Variants in LRRC63 observed in about 807,000 individuals in gnomAD.
LRRC63 encodes leucine rich repeat containing 63.
LRRC63 carries 40 observed loss-of-function variants against 49.5 expected under a neutral mutation model. The ratio of observed to expected loss-of-function variants is 0.81; its 90% CI spans 0.63 to 1.05. The LOEUF (loss-of-function observed/expected upper bound fraction) is 1.05, where lower values mean the gene tolerates loss of function less well. Ranked by LOEUF, LRRC63 falls within the 50% of genes least tolerant of loss-of-function variation. The pLI is 0.00. For synonymous variants in LRRC63, 191 were observed against 221.1 expected (o/e 0.86, Z 1.21); for missense variants, 636 against 663.1 (o/e 0.96, Z 0.45).
At chr13:46,213,242 G>C in intron 2 of LRRC63, 123 bp downstream of exon 2, 2 of 612,802 alleles carry the variant, frequency 3.3e-6, no homozygotes, top group Non-Finnish European at 5.5e-6. Context: ...TTTGTTGTCA[G>C]GTGATAACAT....
At chr13:46,266,836 C>A in exon 9 of LRRC63, 1 of 1,549,878 alleles carries the variant, frequency 6.5e-7, no homozygotes, top group Non-Finnish European at 8.7e-7. Flanking sequence ...TAATTTCACT[C>A]ATCCTTGTTT....
chr13:46,246,584 C>A (rs1399271280), exon 6 of LRRC63: 8 of 1,471,582 alleles, frequency 5.4e-6, no homozygotes, highest in Non-Finnish European at 6.3e-6. Flanking sequence ...GTTGATATAT[C>A]TTAATTTATC....
intron 5 of LRRC63, 94 bp from the exon 6 acceptor site, chr13:46,246,433 A>G: frequency 1.9e-6 from 1 of 531,232 alleles, no homozygotes; most frequent in Non-Finnish European, 3.2e-6. Flanking sequence ...AAACATTCTC[A>G]TTCAAATTAT....
chr13:46,239,995 C>A (rs1402717096), intron 5 of LRRC63, among the ~76,000 whole-genome samples: 2 of 152,114 alleles, frequency 1.3e-5, no homozygotes, highest in Non-Finnish European at 2.9e-5. Flanking sequence ...ATTGAAGGAA[C>A]ATACCTCAAA....
intron 7 of LRRC63, among the ~76,000 whole-genome samples, chr13:46,260,422 G>A (rs1208244731): frequency 6.6e-6 from 1 of 152,066 alleles, no homozygotes; most frequent in East Asian, 1.9e-4. Context: ...AATTAACTGG[G>A]GTCACCATTC....
At chr13:46,216,864 G>A (rs1010422228) in intron 2 of LRRC63, among the ~76,000 whole-genome samples, 3 of 152,186 alleles carry the variant, frequency 2.0e-5, no homozygotes, top group Non-Finnish European at 4.4e-5. Flanking sequence ...AGATAATTAT[G>A]TGGTTTTTGT....
intron 2 of LRRC63, among the ~76,000 whole-genome samples, chr13:46,226,288 T>A (rs80324200): frequency 6.6e-6 from 1 of 152,196 alleles, no homozygotes; most frequent in Admixed American, 6.5e-5. Context: ...CTGGCCCTAC[T>A]CTCTTTCTCA....
At chr13:46,238,144 A>T (rs892832677) in intron 5 of LRRC63, among the ~76,000 whole-genome samples, 1 of 152,222 alleles carries the variant, frequency 6.6e-6, no homozygotes. Flanking sequence ...GAGCAGCCAG[A>T]TTCATAAAGC....
At chr13:46,263,544 G>A (rs2047643536) in intron 8 of LRRC63, among the ~76,000 whole-genome samples, 1 of 151,836 alleles carries the variant, frequency 6.6e-6, no homozygotes, top group Non-Finnish European at 1.5e-5. Flanking sequence ...TTTTATAAAG[G>A]CAATATAAAA....
At chr13:46,227,908 G>A (rs2046624806) in exon 3 of LRRC63, 19 of 1,550,558 alleles carry the variant, frequency 1.2e-5, no homozygotes, top group Non-Finnish European at 1.6e-5. Context: ...AAACCTAAAA[G>A]TACTCCTGGC....
At chr13:46,262,162 G>A (rs889752603) in intron 8 of LRRC63, among the ~76,000 whole-genome samples, 170 bp downstream of exon 8, 1 of 147,684 alleles carries the variant, frequency 6.8e-6, no homozygotes, top group African/African-American at 2.5e-5. Context: ...GTATTTTTAA[G>A]ACATAACATT....
intron 5 of LRRC63, among the ~76,000 whole-genome samples, chr13:46,241,614 A>G (rs2047064768): frequency 6.6e-6 from 1 of 152,210 alleles, no homozygotes; most frequent in Admixed American, 6.5e-5. Context: ...AGGAACTTAA[A>G]CAAATTTACA....
intron 6 of LRRC63, 135 bp from the exon 7 acceptor site, chr13:46,250,220 T>C: frequency 1.4e-6 from 1 of 734,012 alleles, no homozygotes; most frequent in Non-Finnish European, 2.1e-6. Context: ...GGGTGTTTAC[T>C]GAGTTACATG....
intron 2 of LRRC63, 78 bp from the exon 3 acceptor site, chr13:46,227,434 A>G: frequency 9.8e-7 from 1 of 1,020,556 alleles, no homozygotes; most frequent in Non-Finnish European, 1.4e-6. Context: ...GTGGGTAAAG[A>G]AAAGTGAATG....
At chr13:46,269,710 TATAAG>T (rs1316008176) in intron 9 of LRRC63, among the ~76,000 whole-genome samples, 2 of 150,682 alleles carry the variant, frequency 1.3e-5, no homozygotes, top group Non-Finnish European at 3.0e-5. Context: ...TTTACATAAA[TATAAG>T]ATACTATCAA....
chr13:46,274,622 T>G (rs2047806349), intron 9 of LRRC63, among the ~76,000 whole-genome samples: 1 of 152,204 alleles, frequency 6.6e-6, no homozygotes. Context: ...CCACTTCCAT[T>G]GAGAATGGGG....
intron 2 of LRRC63, among the ~76,000 whole-genome samples, chr13:46,224,341 A>C (rs913307772): frequency 6.6e-6 from 1 of 152,104 alleles, no homozygotes; most frequent in African/African-American, 2.4e-5. Flanking sequence ...GATCTAGTCT[A>C]TTATTGGAGC....
intron 7 of LRRC63, among the ~76,000 whole-genome samples, chr13:46,251,306 AAG>A (rs1188458771): frequency 6.6e-6 from 1 of 151,924 alleles, no homozygotes; most frequent in African/African-American, 2.4e-5. Flanking sequence ...TTAAAAGAAT[AAG>A]AAATTATATT....
exon 3 of LRRC63, chr13:46,227,773 C>G: frequency 6.4e-7 from 1 of 1,550,414 alleles, no homozygotes; most frequent in Non-Finnish European, 8.7e-7. Context: ...TGTAATTCAG[C>G]TTCTACTCGA....
Sources: gnomAD v4.1 joint callset for allele counts (sites outside exome capture counted in the v4.1 genomes callset) on GRCh38, gnomAD v4.1.1 for gene constraint, MANE v1.5 for transcripts, NCBI Gene and HGNC (gene_info 2026-07-23, HGNC 2026-07-21) for gene names.